Variants in KCNMA1 observed in about 807,000 individuals in gnomAD.
The protein encoded by KCNMA1 is potassium calcium-activated channel subfamily M alpha 1, also known as Calcium-activated potassium channel subunit alpha-1.
KCNMA1 carries 29 observed loss-of-function variants against 140.0 expected under a neutral mutation model. The ratio of observed to expected loss-of-function variants is 0.21; its 90% CI spans 0.15 to 0.28. The LOEUF (loss-of-function observed/expected upper bound fraction) is 0.28. Among genes scored for constraint, KCNMA1 ranks in the 10% least tolerant of loss-of-function variants. KCNMA1 has a pLI of 1.00. For synonymous variants in KCNMA1, 612 were observed against 611.9 expected (o/e 1.00, Z 0.00); for missense variants, 880 against 1,602.2 (o/e 0.55, Z 7.70).
chr10:77,597,283 G>A (rs2081224160), intron 1 of KCNMA1, among the ~76,000 whole-genome samples: 1 of 152,100 alleles, frequency 6.6e-6, no homozygotes, highest in Non-Finnish European at 1.5e-5. Context: ...CCTCAGGAGA[G>A]ATGTTCAGGA....
At chr10:77,123,346 A>G (rs540202689) in intron 5 of KCNMA1, among the ~76,000 whole-genome samples, 34 of 152,204 alleles carry the variant, frequency 2.2e-4, no homozygotes, top group Non-Finnish European at 4.6e-4. Flanking sequence ...TAAGGTCTCA[A>G]AAAATACATT....
intron 21 of KCNMA1, among the ~76,000 whole-genome samples, chr10:76,951,308 G>A (rs552877639): frequency 6.6e-4 from 101 of 152,134 alleles, no homozygotes; most frequent in Middle Eastern, 3.4e-3. Flanking sequence ...TGATTTTGCC[G>A]GGTTTAAAGC....
intron 2 of KCNMA1, among the ~76,000 whole-genome samples, chr10:77,381,301 A>G (rs564701138): frequency 4.6e-5 from 7 of 152,224 alleles, no homozygotes; most frequent in Non-Finnish European, 7.3e-5. Context: ...TTAGAGAATT[A>G]TAAGGTTTAT....
At chr10:76,910,328 T>C in intron 24 of KCNMA1, 1 of 506,948 alleles carries the variant, frequency 2.0e-6, no homozygotes, top group Non-Finnish European at 3.7e-6. Flanking sequence ...CAAGCAGGCT[T>C]GCTCCACGGC....
intron 2 of KCNMA1, among the ~76,000 whole-genome samples, chr10:77,349,835 AT>A (rs2154384500): frequency 6.6e-6 from 1 of 152,256 alleles, no homozygotes; most frequent in Non-Finnish European, 1.5e-5. Context: ...TTTGTTGTCC[AT>A]TTTTTTAAAG....
intron 1 of KCNMA1, among the ~76,000 whole-genome samples, chr10:77,513,618 G>A (rs1219564152): frequency 1.3e-5 from 2 of 152,232 alleles, no homozygotes; most frequent in Non-Finnish European, 2.9e-5. Context: ...AACAAGGGGA[G>A]AAGAGGGATG....
chr10:77,039,760 C>G, intron 14 of KCNMA1, 123 bp from the exon 15 acceptor site: 1 of 706,706 alleles, frequency 1.4e-6, no homozygotes, highest in Non-Finnish European at 2.6e-6. Flanking sequence ...ACCTTTTCAG[C>G]AATCAGGAAC....
At chr10:77,538,901 C>A (rs1567413477) in intron 1 of KCNMA1, among the ~76,000 whole-genome samples, 2 of 152,182 alleles carry the variant, frequency 1.3e-5, no homozygotes, top group Admixed American at 6.5e-5. Flanking sequence ...CAGGGCTCAG[C>A]ATGAAGGCTC....
chr10:76,989,769 T>C (rs1352014040), intron 19 of KCNMA1, among the ~76,000 whole-genome samples: 3 of 151,762 alleles, frequency 2.0e-5, no homozygotes, highest in Non-Finnish European at 4.4e-5. Flanking sequence ...GTAGCTGATA[T>C]GACCTCTTAT....
chr10:77,472,807 G>A (rs373169414), intron 1 of KCNMA1, among the ~76,000 whole-genome samples: 1 of 152,180 alleles, frequency 6.6e-6, no homozygotes, highest in East Asian at 1.9e-4. Context: ...GCATCAGTCC[G>A]TTCCACCCTT....
chr10:77,183,357 C>A, intron 5 of KCNMA1, 64 bp downstream of exon 5: 1 of 1,104,082 alleles, frequency 9.1e-7, no homozygotes. Context: ...TCATCCACTG[C>A]AAATTCTGTC....
intron 1 of KCNMA1, chr10:77,587,300 G>A (rs1329937657): frequency 6.6e-6 from 1 of 152,036 alleles, no homozygotes; most frequent in African/African-American, 2.4e-5. Flanking sequence ...CTTTTCTCAG[G>A]CCACTGAATA....
At chr10:77,376,948 A>AATACGTACATACATAC (rs1555258739) in intron 2 of KCNMA1, among the ~76,000 whole-genome samples, 3 of 148,314 alleles carry the variant, frequency 2.0e-5, no homozygotes, top group African/African-American at 7.5e-5. Flanking sequence ...AAAATAAATA[A>AATACGTACATACATAC]ATACATACAT....
At chr10:77,095,601 C>G (rs569514383) in intron 9 of KCNMA1, among the ~76,000 whole-genome samples, 1 of 152,164 alleles carries the variant, frequency 6.6e-6, no homozygotes, top group Admixed American at 6.5e-5. Flanking sequence ...ATTATGAACA[C>G]TATTGAGGGT....
chr10:77,267,643 G>A (rs760957610), intron 2 of KCNMA1, among the ~76,000 whole-genome samples: 4 of 152,102 alleles, frequency 2.6e-5, no homozygotes, highest in South Asian at 2.1e-4. Flanking sequence ...GGTAAGCATC[G>A]GCCCCACTCA....
chr10:77,497,217 C>T (rs1034726600), intron 1 of KCNMA1, among the ~76,000 whole-genome samples: 5 of 152,198 alleles, frequency 3.3e-5, no homozygotes, highest in Admixed American at 1.3e-4. Flanking sequence ...TATCAACTGT[C>T]TTTTATGAAT....
chr10:77,308,561 T>G (rs1173896796), intron 2 of KCNMA1, among the ~76,000 whole-genome samples: 2 of 152,212 alleles, frequency 1.3e-5, no homozygotes, highest in African/African-American at 4.8e-5. Context: ...TCCCAGCAGC[T>G]GTTCCAGATA....
chr10:77,602,563 A>G (rs1477564025), intron 1 of KCNMA1, among the ~76,000 whole-genome samples: 1 of 152,218 alleles, frequency 6.6e-6, no homozygotes, highest in African/African-American at 2.4e-5. Flanking sequence ...TGATACCTCA[A>G]TAAAGCTCGG....
intron 1 of KCNMA1, among the ~76,000 whole-genome samples, chr10:77,590,735 G>A (rs1370051282): frequency 6.6e-6 from 1 of 152,184 alleles, no homozygotes; most frequent in Non-Finnish European, 1.5e-5. Flanking sequence ...AGGACTGCCA[G>A]CACGCTGTCA....
Sources: gnomAD v4.1 joint callset for allele counts (sites outside exome capture counted in the v4.1 genomes callset) on GRCh38, gnomAD v4.1.1 for gene constraint, MANE v1.5 for transcripts, NCBI Gene and HGNC (gene_info 2026-07-23, HGNC 2026-07-21) for gene names.